Variants in TXNRD1 observed in about 807,000 individuals in gnomAD.
The protein encoded by TXNRD1 is thioredoxin reductase 1, also known as thioredoxin reductase 1, cytoplasmic.
TXNRD1 carries 57 observed loss-of-function variants against 80.3 expected under a neutral mutation model. The ratio of observed to expected loss-of-function variants is 0.71; its 90% CI spans 0.57 to 0.89. The LOEUF is 0.89. Ranked by LOEUF, TXNRD1 falls within the 40% of genes least tolerant of loss-of-function variation. The pLI is 0.00. For missense variants in TXNRD1, 730 were observed against 803.0 expected (o/e 0.91, Z 1.10); for synonymous variants, 291 against 285.2 (o/e 1.02, Z -0.20).
chr12:104,261,526 T>C (rs2033368466), intron 3 of TXNRD1, among the ~76,000 whole-genome samples: 1 of 152,174 alleles, frequency 6.6e-6, no homozygotes, highest in Non-Finnish European at 1.5e-5. Flanking sequence ...TTCTTATCTT[T>C]TTTAAATGTG....
chr12:104,276,118 A>C (rs911105663), intron 3 of TXNRD1, among the ~76,000 whole-genome samples: 6 of 152,198 alleles, frequency 3.9e-5, no homozygotes, highest in Admixed American at 1.3e-4. Context: ...TTTACAAAAG[A>C]GGAGACCTGG....
chr12:104,270,392 C>A (rs538725559), intron 3 of TXNRD1, among the ~76,000 whole-genome samples: 3 of 152,302 alleles, frequency 2.0e-5, no homozygotes, highest in East Asian at 3.9e-4. Flanking sequence ...CCTTGTACAT[C>A]TCCATCAGAT....
chr12:104,303,712 T>C (rs2034742383), intron 4 of TXNRD1: 1 of 673,360 alleles, frequency 1.5e-6, no homozygotes, highest in Non-Finnish European at 2.2e-6. Flanking sequence ...TGGGGGCGGG[T>C]CGCGCCGGGC....
intron 4 of TXNRD1, chr12:104,304,034 G>C (rs942940722): frequency 5.6e-6 from 9 of 1,611,874 alleles, no homozygotes; most frequent in African/African-American, 1.3e-5. Context: ...CACCGCTGAC[G>C]AGGAGAAGTG....
intron 1 of TXNRD1, among the ~76,000 whole-genome samples, chr12:104,219,782 A>C: frequency 6.8e-6 from 1 of 147,142 alleles, no homozygotes. Flanking sequence ...GCAAAAGGCA[A>C]TTTTTTTTTT....
At chr12:104,238,134 A>G (rs749336337) in intron 1 of TXNRD1, among the ~76,000 whole-genome samples, 2 of 152,216 alleles carry the variant, frequency 1.3e-5, no homozygotes, top group Non-Finnish European at 2.9e-5. Flanking sequence ...CGTCATCAAA[A>G]TGCAAATAGG....
intron 3 of TXNRD1, among the ~76,000 whole-genome samples, chr12:104,266,617 G>A (rs1186122949): frequency 6.6e-6 from 1 of 151,808 alleles, no homozygotes; most frequent in Non-Finnish European, 1.5e-5. Context: ...CGGATCACAA[G>A]GTCAGGAGAT....
intron 4 of TXNRD1, among the ~76,000 whole-genome samples, chr12:104,306,169 G>A (rs1390544259): frequency 6.6e-6 from 1 of 152,182 alleles, no homozygotes; most frequent in Non-Finnish European, 1.5e-5. Flanking sequence ...CTCCGGAAAT[G>A]CTGGGATTAC....
Position 104,319,007 on chromosome 12 carries a change from C to A in TXNRD1, c.825C>A (p.Val275=), listed in dbSNP as rs774802637. 1.9e-6 allele frequency: 3 copies of A among 1,613,606 alleles called. No individual in the cohort carries two copies. Among genetic ancestry groups the A allele is most frequent in the Non-Finnish European group, 2.5e-6 (3 of 1,179,836 alleles). The change falls in exon 8 of 17, where the codon GTC becomes GTA. Residue 275 remains valine (V), a synonymous_variant. Transcript: ENST00000525566. ...GAGTAGCTCTGCGGGAGAAAAAAGT[C>A]GTCTATGAGAATGCTTATGGGCAAT... ...GYRVALREKK[V]VYENAYGQFI... is the part of the protein sequence containing the mutation.
At chr12:104,343,082 C>T (rs140637796) in intron 16 of TXNRD1, among the ~76,000 whole-genome samples, 6 of 152,296 alleles carry the variant, frequency 3.9e-5, no homozygotes, top group African/African-American at 1.4e-4. Flanking sequence ...ACAGCGAGGA[C>T]GAAACCACTG....
chr12:104,348,720 A>G lies in TXNRD1; in HGVS notation c.*299A>G, dbSNP rs2135907529. 2.8e-6 allele frequency: 1 copy of G among 352,934 alleles called. No individual in the cohort carries two copies. The highest frequency in any genetic ancestry group is 4.8e-5 in the East Asian group (1 of 20,718). 21.9% of individuals were successfully genotyped at this position (352,934 alleles called of 1,614,324 possible). A position where few individuals can be genotyped will look rare whatever the true frequency, so the allele number is the denominator to read the frequency against. On this transcript the variant is annotated 3_prime_UTR_variant, in exon 17 of 17. Transcript: ENST00000525566. Reference sequence around the variant, plus strand: ...TAGGCGGTGATGGAACAACTGTCAAATCAGTTTTAGCATGACCTTTCCTTG... The same window carrying G: ...TAGGCGGTGATGGAACAACTGTCAAGTCAGTTTTAGCATGACCTTTCCTTG...
At chr12:104,273,549 C>T (rs139295403) in intron 3 of TXNRD1, among the ~76,000 whole-genome samples, 1,784 of 152,072 alleles carry the variant, frequency 0.012, 35 homozygotes, top group African/African-American at 0.04. Flanking sequence ...GCCGAGATTG[C>T]GTCACTGCAC....
intron 3 of TXNRD1, chr12:104,262,528 A>G (rs894552001): frequency 1.3e-5 from 2 of 152,222 alleles, no homozygotes; most frequent in Non-Finnish European, 2.9e-5. Context: ...AGAACCCTCC[A>G]TAGGCATGAT....
In TXNRD1 at chr12:104,348,447, G is replaced by A. The variant is rs1336498112; in HGVS notation, c.*26G>A. The A allele has an allele frequency of 6.2e-7, 1 of 1,612,416 alleles. No homozygotes were observed. The highest frequency in any genetic ancestry group is 1.1e-5 in the South Asian group (1 of 91,018). On this transcript the variant is annotated 3_prime_UTR_variant, in exon 17 of 17. Transcript: ENST00000525566. ...GCCCCAGTGTGGATGCTGTTGCCAAGACTGCAAACCACTGGCTCGTTTCCG... is the reference window on the plus strand; with the variant it reads ...GCCCCAGTGTGGATGCTGTTGCCAAAACTGCAAACCACTGGCTCGTTTCCG...
chr12:104,320,141 G>T (rs1277652320), intron 9 of TXNRD1, among the ~76,000 whole-genome samples: 2 of 152,166 alleles, frequency 1.3e-5, no homozygotes, highest in Non-Finnish European at 2.9e-5. Flanking sequence ...TTTGCTGTGT[G>T]GTTTATTTTT....
chr12:104,271,172 A>G (rs1301918715), intron 3 of TXNRD1, among the ~76,000 whole-genome samples: 9 of 144,692 alleles, frequency 6.2e-5, no homozygotes, highest in Non-Finnish European at 1.5e-5. Context: ...TGGGATTATC[A>G]TTAGTTCTTT....
rs145379094 is a variant in TXNRD1, at chr12:104,281,783, C to A, written c.305-7148C>A. Among the ~76,000 whole-genome samples, 311 of 152,196 alleles carry A rather than the reference C, an allele frequency of 2.0e-3. 2 individuals carry two copies. The highest frequency in any genetic ancestry group is 7.0e-3 in the African/African-American group (289 of 41,510). ...AGCAATTATTTTATCATACAACAATCATTTCCTTCTCTTCTCTTCACACTC... is the reference window on the plus strand; with the variant it reads ...AGCAATTATTTTATCATACAACAATAATTTCCTTCTCTTCTCTTCACACTC... On this transcript the variant is annotated intron_variant, in intron 3 of 16. Transcript: ENST00000525566.
intron 3 of TXNRD1, chr12:104,265,985 A>G (rs541988634): frequency 3.5e-5 from 21 of 602,336 alleles, no homozygotes; most frequent in Non-Finnish European, 5.4e-5. Context: ...AAATAATAAT[A>G]GGTTTTTAAA....
At chr12:104,276,224 G>A (rs1794419206) in intron 3 of TXNRD1, among the ~76,000 whole-genome samples, 1 of 152,222 alleles carries the variant, frequency 6.6e-6, no homozygotes, top group Non-Finnish European at 1.5e-5. Flanking sequence ...ACTTGGAATT[G>A]GGATAGGTTA....
Sources: allele counts gnomAD v4.1 joint callset (sites outside exome capture counted in the v4.1 genomes callset), GRCh38; gene constraint gnomAD v4.1.1; transcripts MANE v1.5; gene names NCBI Gene and HGNC (gene_info 2026-07-23, HGNC 2026-07-21).